Variants in ABCA13 observed in about 807,000 individuals in gnomAD.
ABCA13 encodes the protein ATP binding cassette subfamily A member 13.
ABCA13 carries 476 observed loss-of-function variants against 478.7 expected under a neutral mutation model. That is an observed-to-expected ratio of 0.99 (90% CI 0.92 to 1.07). The LOEUF (loss-of-function observed/expected upper bound fraction) is 1.07, where lower values mean the gene tolerates loss of function less well. Ranked by LOEUF, ABCA13 falls within the 50% of genes least tolerant of loss-of-function variation. The probability of loss-of-function intolerance (pLI) is 0.00; values close to 1 mark genes in which losing one functional copy is unlikely to be tolerated. For missense variants in ABCA13, 6,060 were observed against 5,910.6 expected (o/e 1.03, Z -0.83); for synonymous variants, 2,252 against 2,158.9 (o/e 1.04, Z -1.20).
chr7:48,267,356 C>T (rs1255510477), intron 15 of ABCA13, among the ~76,000 whole-genome samples: 2 of 151,962 alleles, frequency 1.3e-5, no homozygotes, highest in African/African-American at 4.8e-5. Flanking sequence ...TGTTCACAAA[C>T]ATTTAGAATT....
At chr7:48,635,071 A>G (rs773247259) in intron 59 of ABCA13, among the ~76,000 whole-genome samples, 4 of 152,066 alleles carry the variant, frequency 2.6e-5, no homozygotes, top group Non-Finnish European at 4.4e-5. Flanking sequence ...GGCTCCTTCC[A>G]GTGGTCTCCC....
At chr7:48,224,899 T>G (rs183528135) in intron 5 of ABCA13, among the ~76,000 whole-genome samples, 1 of 152,326 alleles carries the variant, frequency 6.6e-6, no homozygotes, top group African/African-American at 2.4e-5. Flanking sequence ...GACCATCTCC[T>G]GAATAAGCCA....
At chr7:48,453,986 C>T (rs1825350250) in intron 42 of ABCA13, among the ~76,000 whole-genome samples, 1 of 152,188 alleles carries the variant, frequency 6.6e-6, no homozygotes, top group African/African-American at 2.4e-5. Flanking sequence ...CATGGTACAG[C>T]TTCTTTAAAA....
chr7:48,588,502 C>A (rs2131401934), intron 57 of ABCA13, among the ~76,000 whole-genome samples: 1 of 152,318 alleles, frequency 6.6e-6, no homozygotes, highest in East Asian at 1.9e-4. Flanking sequence ...TTGCTCTCAG[C>A]TTTCCTTGGA....
intron 1 of ABCA13, among the ~76,000 whole-genome samples, chr7:48,173,920 T>G (rs968095138): frequency 2.6e-5 from 4 of 152,182 alleles, no homozygotes; most frequent in Admixed American, 1.3e-4. Flanking sequence ...ACATGAACCG[T>G]GGGCTGTGAG....
Position 48,520,181 on chromosome 7 carries a change from G to A in ABCA13, c.13938G>A (p.Val4646=), listed in dbSNP as rs759109251. Residue 4646 remains valine (V), a synonymous_variant, in exon 53 of 62, where the codon GTG becomes GTA. Transcript: ENST00000435803. ...LTHNFGIDSY[V]SPFEMNFLGW... ...ACAACTTCGGCATTGATTCCTATGT[G>A]AGTCCCTTTGAGATGAACTTTCTGG... 4 of 1,613,702 alleles carry A rather than the reference G, an allele frequency of 2.5e-6. No homozygotes were observed. In the South Asian group the frequency reaches 4.4e-5, roughly 18 times the overall value.
chr7:48,276,658 T>TAGATACAAATAC, intron 17 of ABCA13, 93 bp downstream of exon 17: 1 of 962,424 alleles, frequency 1.0e-6, no homozygotes, highest in Non-Finnish European at 1.6e-6. Flanking sequence ...AAAACAGTAT[T>TAGATACAAATAC]TGTATCTAAT....
At chr7:48,237,694 G>T (rs189844350) in intron 8 of ABCA13, among the ~76,000 whole-genome samples, 1 of 152,346 alleles carries the variant, frequency 6.6e-6, no homozygotes, top group African/African-American at 2.4e-5. Flanking sequence ...CCCTGCAAGA[G>T]AATAGTCCTC....
At chr7:48,448,426 T>A (rs990140113) in intron 42 of ABCA13, among the ~76,000 whole-genome samples, 1 of 152,226 alleles carries the variant, frequency 6.6e-6, no homozygotes, top group African/African-American at 2.4e-5. Context: ...GTCTTTTCAG[T>A]ATAGGTTTAA....
chr7:48,211,273 C>G (rs966523185), intron 3 of ABCA13, among the ~76,000 whole-genome samples: 1 of 152,168 alleles, frequency 6.6e-6, no homozygotes, highest in African/African-American at 2.4e-5. Context: ...TCCAAGAATT[C>G]AAAGGGGAAT....
intron 2 of ABCA13, among the ~76,000 whole-genome samples, chr7:48,193,641 AACTATGATGATG>A (rs1797420338): frequency 6.9e-6 from 1 of 145,740 alleles, no homozygotes; most frequent in Non-Finnish European, 1.5e-5. Context: ...AGATAATAGT[AACTATGATGATG>A]ATGATGATGG....
At chr7:48,259,906 T>C (rs917742857) in intron 15 of ABCA13, among the ~76,000 whole-genome samples, 4 of 152,190 alleles carry the variant, frequency 2.6e-5, no homozygotes, top group Non-Finnish European at 5.9e-5. Context: ...TGTTCTGCTG[T>C]GAATACTTGC....
At chr7:48,276,904 A>T (rs944485094) in intron 17 of ABCA13, among the ~76,000 whole-genome samples, 1 of 152,216 alleles carries the variant, frequency 6.6e-6, no homozygotes, top group Non-Finnish European at 1.5e-5. Flanking sequence ...CATAATTTGA[A>T]TTGCTATACT....
chr7:48,197,017 T>A lies in ABCA13; in HGVS notation c.164-1220T>A, dbSNP rs144767119. Reference sequence around the variant, plus strand: ...TCTTCCAAAGTTAAGATTATTTGCATAGGAAAGTGAAATTTCCTGTTAAGT... The same window carrying A: ...TCTTCCAAAGTTAAGATTATTTGCAAAGGAAAGTGAAATTTCCTGTTAAGT... On this transcript the variant is annotated intron_variant, in intron 2 of 61. Coordinates refer to ENST00000435803, the MANE Select transcript of ABCA13 (RefSeq NM_152701.5). Among the ~76,000 whole-genome samples, 1,280 of 152,344 alleles carry A rather than the reference T, an allele frequency of 8.4e-3. 11 individuals carry two copies. Among genetic ancestry groups the A allele is most frequent in the African/African-American group, 0.03 (1,233 of 41,584 alleles).
At chr7:48,173,459 T>A (rs970017307) in intron 1 of ABCA13, among the ~76,000 whole-genome samples, 1 of 152,256 alleles carries the variant, frequency 6.6e-6, no homozygotes, top group Non-Finnish European at 1.5e-5. Flanking sequence ...ATCTCTGTTA[T>A]GTGCCAGATA....
intron 20 of ABCA13, among the ~76,000 whole-genome samples, chr7:48,294,424 G>T (rs996474242): frequency 4.8e-4 from 60 of 125,374 alleles, no homozygotes; most frequent in African/African-American, 1.7e-3. Flanking sequence ...TGTTTCTATG[G>T]GTTTTTTTTT....
At chr7:48,417,995 G>A (rs973329389) in intron 41 of ABCA13, among the ~76,000 whole-genome samples, 9 of 152,168 alleles carry the variant, frequency 5.9e-5, no homozygotes, top group Non-Finnish European at 1.2e-4. Flanking sequence ...TTTTCTCTGT[G>A]TCTTTTCATG....
At chr7:48,422,129 A>G (rs1370584167) in intron 41 of ABCA13, among the ~76,000 whole-genome samples, 1 of 151,216 alleles carries the variant, frequency 6.6e-6, no homozygotes, top group African/African-American at 2.4e-5. Flanking sequence ...GAAGAGAAGG[A>G]AGCAGGTACT....
At chr7:48,520,773 A>G (rs534344091) in intron 53 of ABCA13, among the ~76,000 whole-genome samples, 2 of 152,274 alleles carry the variant, frequency 1.3e-5, no homozygotes, top group South Asian at 2.1e-4. Context: ...TCATTGTTCA[A>G]TTCCAACCTA....
Sources: allele counts gnomAD v4.1 joint callset (sites outside exome capture counted in the v4.1 genomes callset), GRCh38; gene constraint gnomAD v4.1.1; transcripts MANE v1.5; gene names NCBI Gene and HGNC (gene_info 2026-07-23, HGNC 2026-07-21).